GRM8: variants seen among roughly 807,000 people sequenced by gnomAD.
GRM8 encodes metabotropic glutamate receptor 8.
Under a neutral mutation model 87.2 loss-of-function variants are expected in GRM8, and 47 were observed. The ratio of observed to expected loss-of-function variants is 0.54; its 90% CI spans 0.43 to 0.69. The LOEUF (loss-of-function observed/expected upper bound fraction) is 0.69, where lower values mean the gene tolerates loss of function less well. Among genes scored for constraint, GRM8 ranks in the 30% least tolerant of loss-of-function variants. The probability of loss-of-function intolerance (pLI) is 0.00; values close to 1 mark genes in which losing one functional copy is unlikely to be tolerated. For synonymous variants in GRM8, 396 were observed against 404.5 expected (o/e 0.98, Z 0.25); for missense variants, 1,019 against 1,139.2 (o/e 0.89, Z 1.52).
At chr7:126,456,471 T>C (rs929327113) in intron 9 of GRM8, among the ~76,000 whole-genome samples, 2 of 145,836 alleles carry the variant, frequency 1.4e-5, no homozygotes, top group Non-Finnish European at 3.0e-5. Context: ...TATACCTTTT[T>C]TTTCCCTTGA....
intron 3 of GRM8, among the ~76,000 whole-genome samples, chr7:127,009,884 C>G (rs1814701659): frequency 6.6e-6 from 1 of 151,982 alleles, no homozygotes; most frequent in Non-Finnish European, 1.5e-5. Flanking sequence ...CACTCTGTCA[C>G]CCAGGCTGGA....
intron 2 of GRM8, among the ~76,000 whole-genome samples, chr7:127,232,212 TGAGAGAGA>T (rs71177600): frequency 6.7e-4 from 96 of 143,640 alleles, no homozygotes; most frequent in African/African-American, 2.4e-3. Flanking sequence ...TGTGTGTGTG[TGAGAGAGA>T]GAGAGAGAGA....
chr7:126,971,469 T>C (rs937888839), intron 3 of GRM8, among the ~76,000 whole-genome samples: 4 of 152,186 alleles, frequency 2.6e-5, no homozygotes, highest in Non-Finnish European at 4.4e-5. Context: ...CATATACATC[T>C]CACTGAATAT....
chr7:126,702,725 C>A (rs1473685317), intron 7 of GRM8, among the ~76,000 whole-genome samples: 2 of 152,116 alleles, frequency 1.3e-5, no homozygotes, highest in Non-Finnish European at 2.9e-5. Context: ...TGGTGGTGTT[C>A]TTGGAGTCTG....
chr7:126,609,319 TG>T, intron 8 of GRM8, 42 bp downstream of exon 8: 1 of 1,512,534 alleles, frequency 6.6e-7, no homozygotes, highest in Non-Finnish European at 9.1e-7. Flanking sequence ...GCATCCCTCC[TG>T]GAGAGCTATA....
chr7:127,221,604 C>A (rs1375469694), intron 2 of GRM8, among the ~76,000 whole-genome samples: 1 of 152,148 alleles, frequency 6.6e-6, no homozygotes, highest in Non-Finnish European at 1.5e-5. Context: ...CAGAATGGGC[C>A]TCACCTGAAA....
At position 126,533,280 on chromosome 7, in the gene GRM8, C is replaced by A; in HGVS notation, c.2102G>T (p.Ser701Ile). ...TCCAAGGAGCTGGACGGAGATGAGG[C>A]TGAAGGTGATCACCAGCTGAGATGC... ...SPASQLVITF[S>I]LISVQLLGVF... Residue 701 changes from serine to isoleucine, a missense_variant, in exon 9 of 11, where the codon AGC becomes ATC. Coordinates refer to ENST00000339582, the MANE Select transcript of GRM8 (RefSeq NM_000845.3). The A allele has an allele frequency of 6.2e-7, 1 of 1,613,652 alleles. No homozygotes were observed. Among genetic ancestry groups the A allele is most frequent in the Non-Finnish European group, 8.5e-7 (1 of 1,179,928 alleles).
intron 7 of GRM8, among the ~76,000 whole-genome samples, chr7:126,635,464 T>C (rs1412449970): frequency 6.6e-6 from 1 of 152,208 alleles, no homozygotes; most frequent in Non-Finnish European, 1.5e-5. Context: ...ACTTTGAGTA[T>C]TGTTGCCTTC....
At chr7:126,628,894 A>AG (rs890973788) in intron 7 of GRM8, among the ~76,000 whole-genome samples, 1 of 152,074 alleles carries the variant, frequency 6.6e-6, no homozygotes, top group African/African-American at 2.4e-5. Context: ...CAATAAATAG[A>AG]GGAAAAAAAA....
In GRM8 at chr7:126,754,891, G is replaced by A. The variant is rs145944157; in HGVS notation, c.1357+14974C>T. Among the ~76,000 whole-genome samples, 175 of 151,750 alleles carry A rather than the reference G, an allele frequency of 1.2e-3. 1 individual carries two copies. Among genetic ancestry groups the A allele is most frequent in the African/African-American group, 4.0e-3 (166 of 41,486 alleles). ...TATGGACTGGTTATTTTCTGCTTCA[G>A]TACCAGTAAAGCACATTGCTATCAT... On this transcript the variant is annotated intron_variant, in intron 7 of 10. Coordinates refer to ENST00000339582, the MANE Select transcript of GRM8 (RefSeq NM_000845.3).
At chr7:126,880,221 A>C (rs1246162915) in intron 6 of GRM8, among the ~76,000 whole-genome samples, 1 of 152,218 alleles carries the variant, frequency 6.6e-6, no homozygotes, top group African/African-American at 2.4e-5. Context: ...GTGCCTCCAC[A>C]CCAAAAGAGA....
chr7:126,824,919 A>G (rs1794622301), intron 6 of GRM8, among the ~76,000 whole-genome samples: 1 of 152,220 alleles, frequency 6.6e-6, no homozygotes, highest in Non-Finnish European at 1.5e-5. Context: ...ATTGGTCATG[A>G]AAACCTCAAT....
chr7:126,873,766 C>T (rs1799301901), intron 6 of GRM8, among the ~76,000 whole-genome samples: 1 of 152,148 alleles, frequency 6.6e-6, no homozygotes, highest in South Asian at 2.1e-4. Flanking sequence ...AGGCTCTCAA[C>T]ATGGCAACCT....
At chr7:126,569,884 C>T (rs1327575563) in intron 8 of GRM8, among the ~76,000 whole-genome samples, 2 of 152,160 alleles carry the variant, frequency 1.3e-5, no homozygotes, top group Admixed American at 6.6e-5. Flanking sequence ...CATTCTTAGA[C>T]ATCATCCTTT....
intron 6 of GRM8, among the ~76,000 whole-genome samples, chr7:126,810,961 G>T (rs1187539661): frequency 6.6e-6 from 1 of 152,048 alleles, no homozygotes; most frequent in Non-Finnish European, 1.5e-5. Context: ...ATATTCAGGA[G>T]AGTTTTCCCT....
chr7:127,120,567 A>G (rs1827025117), intron 2 of GRM8, among the ~76,000 whole-genome samples: 1 of 152,184 alleles, frequency 6.6e-6, no homozygotes, highest in South Asian at 2.1e-4. Flanking sequence ...TCACAATAAA[A>G]TTGGAAAAGC....
intron 8 of GRM8, among the ~76,000 whole-genome samples, chr7:126,559,042 T>C (rs1367508662): frequency 2.0e-5 from 3 of 151,926 alleles, no homozygotes; most frequent in Non-Finnish European, 4.4e-5. Context: ...TCATGGCTTA[T>C]AAGTGGTGTG....
chr7:127,040,162 A>G (rs1303366236), intron 3 of GRM8, among the ~76,000 whole-genome samples: 1 of 151,430 alleles, frequency 6.6e-6, no homozygotes, highest in African/African-American at 2.4e-5. Flanking sequence ...CAAGTTTTGC[A>G]AGACTATAGA....
At chr7:126,770,100 G>C in intron 6 of GRM8, 35 bp from the exon 7 acceptor site, 1 of 1,430,360 alleles carries the variant, frequency 7.0e-7, no homozygotes, top group East Asian at 2.4e-5. Context: ...ATCAGTTGAT[G>C]TTAGATTCCA....
Sources: allele counts gnomAD v4.1 joint callset (sites outside exome capture counted in the v4.1 genomes callset), GRCh38; gene constraint gnomAD v4.1.1; transcripts MANE v1.5; gene names NCBI Gene and HGNC (gene_info 2026-07-23, HGNC 2026-07-21).